The following SBF2 variants were observed in gnomAD, a reference collection of about 807,000 sequenced individuals.
The protein encoded by SBF2 is myotubularin-related protein 13.
Under a neutral mutation model 225.2 loss-of-function variants are expected in SBF2, and 112 were observed. That is an observed-to-expected ratio of 0.50 (90% CI 0.43 to 0.58). The LOEUF (loss-of-function observed/expected upper bound fraction) is 0.58. Among genes scored for constraint, SBF2 ranks in the 20% least tolerant of loss-of-function variants. The pLI, the probability that SBF2 is intolerant of heterozygous loss-of-function variation, is 0.00. For missense variants in SBF2, 1,996 were observed against 2,206.2 expected (o/e 0.90, Z 1.91); for synonymous variants, 763 against 773.3 (o/e 0.99, Z 0.22).
rs182227230 is a variant in SBF2, at chr11:9,916,471, T to C, written c.1861-20460A>G. On this transcript the variant is annotated intron_variant, in intron 16 of 39. Transcript: ENST00000256190. ...TTTCACATATTTCCCTGTGCTTCAA[T>C]ACATTTTTTTCACACTCGGTGAAAT... Among the ~76,000 whole-genome samples the C allele has an allele frequency of 3.9e-3, 589 of 152,338 alleles. 4 individuals are homozygous for C. The highest frequency in any genetic ancestry group is 6.2e-3 in the Non-Finnish European group (420 of 68,028).
At chr11:9,913,821 A>G (rs891839476) in intron 16 of SBF2, among the ~76,000 whole-genome samples, 1 of 152,176 alleles carries the variant, frequency 6.6e-6, no homozygotes, top group Non-Finnish European at 1.5e-5. Flanking sequence ...CTTTACCACA[A>G]TACATTAGTA....
intron 1 of SBF2, among the ~76,000 whole-genome samples, chr11:10,222,355 A>T (rs974926482): frequency 5.9e-5 from 9 of 152,224 alleles, no homozygotes; most frequent in African/African-American, 2.2e-4. Context: ...TAGATTTTCA[A>T]GCAACTATTA....
At chr11:9,780,705 G>GTTGA in intron 39 of SBF2, 189 bp from the exon 40 acceptor site, 1 of 627,846 alleles carries the variant, frequency 1.6e-6, no homozygotes, top group South Asian at 1.7e-5. Flanking sequence ...CATAGGGGAT[G>GTTGA]TTGATAGAAG....
At chr11:10,247,157 T>G (rs561928084) in intron 1 of SBF2, among the ~76,000 whole-genome samples, 1 of 152,166 alleles carries the variant, frequency 6.6e-6, no homozygotes, top group Non-Finnish European at 1.5e-5. Flanking sequence ...AATGTAACAC[T>G]TTCCCAGCCA....
intron 1 of SBF2, among the ~76,000 whole-genome samples, chr11:10,264,540 G>A (rs1179404637): frequency 6.6e-6 from 1 of 151,984 alleles, no homozygotes; most frequent in Non-Finnish European, 1.5e-5. Context: ...AAAAAAATGA[G>A]CAGAAAACAG....
chr11:9,782,630 G>A (rs1277998625), intron 38 of SBF2, among the ~76,000 whole-genome samples: 1 of 152,138 alleles, frequency 6.6e-6, no homozygotes, highest in African/African-American at 2.4e-5. Flanking sequence ...TAACACTTTG[G>A]GAGGCTGAGG....
At position 9,790,650 on chromosome 11, in the gene SBF2, G is replaced by T; in HGVS notation, c.4604C>A (p.Ala1535Asp). 1 of 1,583,370 alleles carries T rather than the reference G, an allele frequency of 6.3e-7. No homozygotes were observed. The highest frequency in any genetic ancestry group is 1.1e-5 in the South Asian group (1 of 89,176). Reference sequence around the variant, plus strand: ...TTCCCAAATACAGACTCCTTTTTTGGCATGCTTTTCTCCTTTATCATCAAA... The same window carrying T: ...TTCCCAAATACAGACTCCTTTTTTGTCATGCTTTTCTCCTTTATCATCAAA... ...TLFDDKGEKH[A>D]KKGVCIWECI... is the part of the protein sequence containing the mutation. The change falls in exon 34 of 40, where the codon GCC becomes GAC. Residue 1535 changes from alanine to aspartate, a missense_variant. Ala to Asp is a moderately radical substitution (Grantham distance 126, BLOSUM62 -2). Transcript: ENST00000256190.
At chr11:9,947,194 A>T (rs796338581) in intron 16 of SBF2, among the ~76,000 whole-genome samples, 4 of 152,350 alleles carry the variant, frequency 2.6e-5, no homozygotes, top group African/African-American at 9.6e-5. Flanking sequence ...TACTGCCATA[A>T]AATATTTTAG....
At chr11:9,951,581 A>C (rs1441410582) in intron 16 of SBF2, among the ~76,000 whole-genome samples, 2 of 152,218 alleles carry the variant, frequency 1.3e-5, no homozygotes, top group Non-Finnish European at 2.9e-5. Flanking sequence ...TTTCATTTAG[A>C]ATTCATTGCT....
intron 6 of SBF2, among the ~76,000 whole-genome samples, chr11:10,003,156 T>C (rs1358786195): frequency 1.3e-5 from 2 of 152,226 alleles, no homozygotes; most frequent in African/African-American, 4.8e-5. Context: ...AATTTAATGA[T>C]AGGGTTACGT....
chr11:9,943,203 T>C (rs1865385687), intron 16 of SBF2, among the ~76,000 whole-genome samples: 1 of 152,162 alleles, frequency 6.6e-6, no homozygotes, highest in Non-Finnish European at 1.5e-5. Context: ...TAACTGGATC[T>C]CTACCTCACA....
At chr11:10,125,064 C>T (rs896225466) in intron 2 of SBF2, among the ~76,000 whole-genome samples, 6 of 147,128 alleles carry the variant, frequency 4.1e-5, no homozygotes, top group Admixed American at 2.8e-4. Context: ...GCCGAGATCT[C>T]GCTACTGCAC....
intron 16 of SBF2, among the ~76,000 whole-genome samples, chr11:9,938,388 G>A (rs1258980357): frequency 6.6e-6 from 1 of 151,164 alleles, no homozygotes; most frequent in African/African-American, 2.4e-5. Context: ...AATTCCAGTG[G>A]ATTTTTTTTT....
At chr11:10,252,835 CA>C (rs147297840) in intron 1 of SBF2, among the ~76,000 whole-genome samples, 40,373 of 141,056 alleles carry the variant, frequency 0.29, 6,315 homozygotes, top group Non-Finnish European at 0.37. Flanking sequence ...AAAAAAAAAT[CA>C]AAAAAAAGAA....
chr11:9,892,720 C>T (rs938806957), intron 17 of SBF2, among the ~76,000 whole-genome samples: 22 of 151,968 alleles, frequency 1.4e-4, no homozygotes, highest in East Asian at 3.9e-4. Flanking sequence ...CCACCACGCC[C>T]GGCTAATTTC....
intron 2 of SBF2, among the ~76,000 whole-genome samples, chr11:10,130,167 C>T (rs1271415995): frequency 2.0e-5 from 3 of 152,168 alleles, no homozygotes; most frequent in Admixed American, 2.0e-4. Context: ...TTGAAACCAT[C>T]CTGGCTAACA....
chr11:10,074,904 T>C (rs1182632199), intron 2 of SBF2, among the ~76,000 whole-genome samples: 1 of 152,230 alleles, frequency 6.6e-6, no homozygotes, highest in Non-Finnish European at 1.5e-5. Context: ...ACCCTCTGTA[T>C]GTCTGGAATG....
intron 32 of SBF2, among the ~76,000 whole-genome samples, chr11:9,805,040 T>C (rs887125730): frequency 1.3e-5 from 2 of 151,572 alleles, no homozygotes; most frequent in Admixed American, 1.3e-4. Context: ...AGCTCAGGAG[T>C]TCAAGACTAG....
chr11:10,228,491 G>A (rs934701113), intron 1 of SBF2, among the ~76,000 whole-genome samples: 14 of 152,146 alleles, frequency 9.2e-5, no homozygotes, highest in South Asian at 4.1e-4. Flanking sequence ...TTTGAGATAC[G>A]TCCCATCAAT....
Sources: gnomAD v4.1 joint callset for allele counts (sites outside exome capture counted in the v4.1 genomes callset) on GRCh38, gnomAD v4.1.1 for gene constraint, MANE v1.5 for transcripts, NCBI Gene and HGNC (gene_info 2026-07-23, HGNC 2026-07-21) for gene names.